CHL1: variants seen among roughly 807,000 people sequenced by gnomAD.
CHL1 encodes the protein neural cell adhesion molecule L1-like protein.
Under a neutral mutation model 141.9 loss-of-function variants are expected in CHL1, and 96 were observed. That is an observed-to-expected ratio of 0.68 (90% CI 0.57 to 0.80). The LOEUF is 0.80. Ranked by LOEUF, CHL1 falls within the 30% of genes least tolerant of loss-of-function variation. The pLI is 0.00. For missense variants in CHL1, 1,820 were observed against 1,457.2 expected, an observed-to-expected ratio of 1.25 and a Z score of -4.05; for synonymous variants, 613 against 502.2, an observed-to-expected ratio of 1.22 and a Z score of -2.95.
chr3:308,716 G>A (rs1699467473), intron 2 of CHL1: 1 of 152,210 alleles, frequency 6.6e-6, no homozygotes, highest in South Asian at 2.1e-4. Flanking sequence ...AGGCGCGTTG[G>A]TTTGCCTCTC....
chr3:262,820 A>G (rs978377731), intron 2 of CHL1, among the ~76,000 whole-genome samples: 1 of 152,244 alleles, frequency 6.6e-6, no homozygotes, highest in Admixed American at 6.5e-5. Context: ...TGTTTAAGAC[A>G]TGGGAGTTCA....
chr3:381,702 G>A (rs1288043375), intron 16 of CHL1, among the ~76,000 whole-genome samples: 1 of 152,080 alleles, frequency 6.6e-6, no homozygotes, highest in African/African-American at 2.4e-5. Context: ...AAGAATATTA[G>A]CTCTGGCTCA....
chr3:340,656 G>A, intron 5 of CHL1, 138 bp from the exon 6 acceptor site: 2 of 668,416 alleles, frequency 3.0e-6, no homozygotes, highest in Non-Finnish European at 5.0e-6. Flanking sequence ...CTCTGAAGGG[G>A]AGATGTAAGA....
intron 9 of CHL1, among the ~76,000 whole-genome samples, chr3:348,757 G>A (rs1211625624): frequency 6.6e-6 from 1 of 152,230 alleles, no homozygotes; most frequent in Non-Finnish European, 1.5e-5. Context: ...TTCCCGACAA[G>A]GGCGAGAACG....
At chr3:220,103 A>G (rs956205764) in intron 1 of CHL1, among the ~76,000 whole-genome samples, 4 of 152,198 alleles carry the variant, frequency 2.6e-5, no homozygotes, top group African/African-American at 9.7e-5. Context: ...GATATTTTGG[A>G]AAAGGTGAAA....
intron 3 of CHL1, among the ~76,000 whole-genome samples, chr3:322,644 A>AAATATATATATATATATATATATATAAT (rs1559252578): frequency 1.2e-5 from 1 of 82,682 alleles, no homozygotes; most frequent in Non-Finnish European, 2.1e-5. Flanking sequence ...TATATATATA[A>AAATATATATATATATATATATATATAAT]AATATATATA....
intron 1 of CHL1, among the ~76,000 whole-genome samples, chr3:220,703 A>G (rs562354626): frequency 1.8e-3 from 269 of 152,296 alleles, no homozygotes; most frequent in African/African-American, 6.0e-3. Flanking sequence ...AAAAAGACTC[A>G]CAATGAGAAA....
rs756877812 is a variant in CHL1 at position 391,714 on chromosome 3, A to G, written c.2831A>G (p.Asp944Gly). 230 of 1,607,046 alleles carry G rather than the reference A, an allele frequency of 1.4e-4. 4 individuals carry two copies. In the Admixed American group the frequency reaches 3.6e-3, roughly 25 times the overall value. ...QPTFLKVIKV[D>G]KDTATLSWGL... ...ACTTTTCTAAAGGTCATCAAAGTTG[A>G]TAAAGACACTGCCACTTTATCTTGG... The change falls in exon 23 of 28, where the codon GAT becomes GGT. Residue 944 changes from aspartate to glycine, a missense_variant. Asp to Gly is a moderately conservative substitution (Grantham distance 94). Transcript: ENST00000256509.
chr3:280,719 G>A (rs1043287813), intron 2 of CHL1, among the ~76,000 whole-genome samples: 7 of 152,158 alleles, frequency 4.6e-5, no homozygotes, highest in Non-Finnish European at 1.0e-4. Context: ...CTCTGAGAAG[G>A]AGTCAGTGAA....
rs942943196 is a variant in CHL1, at chr3:406,129, C to T, written c.*418C>T. ...CTGGCTTGGTGACTTTGCTTCACTA[C>T]AGGTTAAAAGACCATAAGCAAACTG... On this transcript the variant is annotated 3_prime_UTR_variant, in exon 28 of 28. Transcript: ENST00000256509. The T allele has an allele frequency of 1.9e-5, 3 of 157,290 alleles. No individual in the cohort carries two copies. The highest frequency in any genetic ancestry group is 2.8e-5 in the Non-Finnish European group (2 of 71,582). 9.7% of individuals were successfully genotyped at this position (157,290 alleles called of 1,614,324 possible).
intron 2 of CHL1, among the ~76,000 whole-genome samples, chr3:300,566 A>G (rs1327751288): frequency 1.3e-5 from 2 of 152,122 alleles, no homozygotes; most frequent in East Asian, 3.9e-4. Context: ...ATTTATTTAA[A>G]CAGCTTTATT....
intron 14 of CHL1, 38 bp downstream of exon 14, chr3:363,421 C>G: frequency 6.4e-7 from 1 of 1,560,830 alleles, no homozygotes; most frequent in Non-Finnish European, 8.8e-7. Context: ...TGAATTGTCA[C>G]ATGGGTTCAG....
intron 2 of CHL1, among the ~76,000 whole-genome samples, chr3:295,702 T>A (rs1698130125): frequency 6.6e-6 from 1 of 152,202 alleles, no homozygotes; most frequent in Admixed American, 6.5e-5. Flanking sequence ...AGTGTCCTAA[T>A]GACAATTAAA....
intron 5 of CHL1, 131 bp from the exon 6 acceptor site, chr3:340,663 A>T (rs1449186670): frequency 1.5e-5 from 11 of 730,144 alleles, no homozygotes; most frequent in Non-Finnish European, 4.4e-6. Context: ...GGGGAGATGT[A>T]AGAACCAGGA....
Position 401,798 on chromosome 3 carries a change from C to G in CHL1, c.3458+100C>G, listed in dbSNP as rs1333760440. The G allele has an allele frequency of 1.2e-5, 8 of 687,556 alleles. No homozygotes were observed. The East Asian group carries it at 2.2e-4, about 19-fold the overall frequency. The allele number at this position is 687,556 out of a possible 1,614,324, so 42.6% of individuals were successfully genotyped here. ...TATTCTTAATAAAAAGGTTACATAA[C>G]TACAATGTAATGACCCTATAAAGAA... On this transcript the variant is annotated intron_variant, in intron 27 of 27. Coordinates refer to ENST00000256509, the MANE Select transcript of CHL1 (RefSeq NM_006614.4).
Position 304,645 on chromosome 3 carries a change from G to A in CHL1, c.-94-15038G>A, listed in dbSNP as rs545066392. Among the ~76,000 whole-genome samples, 4 of 151,818 alleles carry A rather than the reference G, an allele frequency of 2.6e-5. No individual in the cohort carries two copies. The East Asian group carries it at 5.8e-4, about 22-fold the overall frequency. ...TTCTTCTCTCTTTTCTTCTTTATTA[G>A]TCTGGCTAGCGGTCTAACTATTTTG... On this transcript the variant is annotated intron_variant, in intron 2 of 27. Coordinates refer to ENST00000256509, the MANE Select transcript of CHL1 (RefSeq NM_006614.4).
At chr3:314,329 G>GTATGTATATATATATATATA (rs1699996403) in intron 2 of CHL1, among the ~76,000 whole-genome samples, 1 of 65,344 alleles carries the variant, frequency 1.5e-5, no homozygotes, top group Admixed American at 1.9e-4. Flanking sequence ...CTCTCTATGT[G>GTATGTATATATATATATATA]TATATATATA....
At chr3:249,124 G>T (rs140496677) in intron 2 of CHL1, among the ~76,000 whole-genome samples, 1 of 152,332 alleles carries the variant, frequency 6.6e-6, no homozygotes, top group Non-Finnish European at 1.5e-5. Flanking sequence ...CGCGTGCAGA[G>T]ATTTGGCAGA....
At chr3:231,622 G>C (rs1489323972) in intron 1 of CHL1, among the ~76,000 whole-genome samples, 1 of 138,210 alleles carries the variant, frequency 7.2e-6, no homozygotes, top group African/African-American at 2.7e-5. Context: ...CTGTCACCCA[G>C]GCTGGAGTGC....
Sources: allele counts gnomAD v4.1 joint callset (sites outside exome capture counted in the v4.1 genomes callset), GRCh38; gene constraint gnomAD v4.1.1; transcripts MANE v1.5; gene names NCBI Gene and HGNC (gene_info 2026-07-23, HGNC 2026-07-21).